Variants in CUL5 observed in about 807,000 individuals in gnomAD.
The protein encoded by CUL5 is cullin 5, also known as cullin-5.
In CUL5, 26 loss-of-function variants were observed where a neutral mutation model predicts 108.8. The ratio of observed to expected loss-of-function variants is 0.24; its 90% CI spans 0.18 to 0.33. CUL5 has a LOEUF of 0.33. CUL5 is among the 10% of genes least tolerant of loss of function. The pLI is 1.00. For synonymous variants in CUL5, 334 were observed against 298.0 expected (o/e 1.12, Z -1.25); for missense variants, 524 against 909.2 (o/e 0.58, Z 5.45).
At chr11:108,063,736 C>A (rs1250392345) in intron 7 of CUL5, among the ~76,000 whole-genome samples, 1 of 151,940 alleles carries the variant, frequency 6.6e-6, no homozygotes, top group East Asian at 1.9e-4. Flanking sequence ...CATTTCCATT[C>A]TTTTTGGTAT....
intron 2 of CUL5, among the ~76,000 whole-genome samples, chr11:108,042,836 C>T (rs922984505): frequency 6.6e-6 from 1 of 152,044 alleles, no homozygotes; most frequent in African/African-American, 2.4e-5. Context: ...AGTCTTCGCT[C>T]ACTGCAACCT....
chr11:108,031,356 CT>C (rs375060802), intron 1 of CUL5, among the ~76,000 whole-genome samples: 70 of 71,120 alleles, frequency 9.8e-4, no homozygotes, highest in African/African-American at 2.9e-3. Flanking sequence ...CAGAACGAGA[CT>C]CTGTCTCAAA....
At chr11:108,069,762 T>C (rs536895137) in intron 7 of CUL5, among the ~76,000 whole-genome samples, 3 of 152,370 alleles carry the variant, frequency 2.0e-5, no homozygotes, top group East Asian at 1.9e-4. Context: ...TTCACACTTC[T>C]AGAATTTTAT....
chr11:108,009,238 G>A lies in CUL5; in HGVS notation c.-111G>A. 1 of 1,185,770 alleles carries A rather than the reference G, an allele frequency of 8.4e-7. No homozygotes were observed. The highest frequency in any genetic ancestry group is 1.2e-6 in the Non-Finnish European group (1 of 811,826). 73.5% of individuals were successfully genotyped at this position (1,185,770 alleles called of 1,614,324 possible). A position where few individuals can be genotyped will look rare whatever the true frequency, so the allele number is the denominator to read the frequency against. On this transcript the variant is annotated 5_prime_UTR_variant, in exon 1 of 19. The change creates a new upstream start codon in the 5' untranslated region. Coordinates refer to ENST00000393094, the MANE Select transcript of CUL5 (RefSeq NM_003478.6). Reference sequence around the variant, plus strand: ...CTGCTCCAGCGCCCACCACACCCTGGTGCGGGCCGACGGGCCCTGGGCCCT... The same window carrying A: ...CTGCTCCAGCGCCCACCACACCCTGATGCGGGCCGACGGGCCCTGGGCCCT...
chr11:108,029,519 G>C (rs905451273), intron 1 of CUL5, among the ~76,000 whole-genome samples: 11 of 152,148 alleles, frequency 7.2e-5, no homozygotes, highest in African/African-American at 2.7e-4. Flanking sequence ...ATAAATCAAG[G>C]TTCATAGTCT....
At chr11:108,083,979 T>A (rs1330154977) in intron 11 of CUL5, among the ~76,000 whole-genome samples, 2 of 152,128 alleles carry the variant, frequency 1.3e-5, no homozygotes, top group Non-Finnish European at 2.9e-5. Flanking sequence ...ATTATGAGAT[T>A]TTTTGGCGAT....
intron 11 of CUL5, among the ~76,000 whole-genome samples, chr11:108,080,352 G>T (rs1325526762): frequency 6.6e-6 from 1 of 152,084 alleles, no homozygotes; most frequent in African/African-American, 2.4e-5. Context: ...GCCTCCCAAA[G>T]TGTTGAGCTT....
chr11:108,039,488 C>CT (rs1353213967), intron 2 of CUL5, among the ~76,000 whole-genome samples: 1 of 152,214 alleles, frequency 6.6e-6, no homozygotes. Flanking sequence ...TGCTCTAGAT[C>CT]CATTTACAAT....
intron 11 of CUL5, among the ~76,000 whole-genome samples, chr11:108,079,565 C>T (rs1383569106): frequency 6.6e-6 from 1 of 152,210 alleles, no homozygotes; most frequent in Non-Finnish European, 1.5e-5. Context: ...CTAAACACTT[C>T]AGCATACAGT....
chr11:108,071,167 TTGA>T (rs746230751), intron 8 of CUL5, among the ~76,000 whole-genome samples: 1 of 152,250 alleles, frequency 6.6e-6, no homozygotes, highest in Non-Finnish European at 1.5e-5. Context: ...TTTTTACCTT[TTGA>T]TGATATGGCT....
rs918157731 is a variant in CUL5 at position 108,049,543 on chromosome 11, A to G, written c.235-347A>G. Among the ~76,000 whole-genome samples the G allele has an allele frequency of 7.3e-5, 11 of 151,668 alleles. No individual in the cohort carries two copies. In the South Asian group the frequency reaches 1.3e-3, roughly 17 times the overall value. ...TTATTTGTGGAGATGAGGTCTTGCTATGTTGCCCAGGTTGGTCTCAAATTC... is the reference window on the plus strand; with the variant it reads ...TTATTTGTGGAGATGAGGTCTTGCTGTGTTGCCCAGGTTGGTCTCAAATTC... On this transcript the variant is annotated intron_variant, in intron 3 of 18. Coordinates refer to ENST00000393094, the MANE Select transcript of CUL5 (RefSeq NM_003478.6).
intron 1 of CUL5, among the ~76,000 whole-genome samples, chr11:108,025,595 C>T (rs1862433422): frequency 6.6e-6 from 1 of 152,152 alleles, no homozygotes; most frequent in African/African-American, 2.4e-5. Flanking sequence ...AGGGTGTTTC[C>T]ACTCTGGCTG....
At chr11:108,026,655 G>T (rs957446927) in intron 1 of CUL5, among the ~76,000 whole-genome samples, 2 of 151,992 alleles carry the variant, frequency 1.3e-5, no homozygotes, top group Non-Finnish European at 2.9e-5. Context: ...TCATATCCTG[G>T]AATGTTCCTG....
At chr11:108,057,220 G>A (rs1419859521) in intron 7 of CUL5, among the ~76,000 whole-genome samples, 2 of 152,016 alleles carry the variant, frequency 1.3e-5, no homozygotes, top group African/African-American at 2.4e-5. Flanking sequence ...TTGAGATCAC[G>A]TCTCACTATG....
chr11:108,060,704 G>T (rs549080373), intron 7 of CUL5, among the ~76,000 whole-genome samples: 8 of 152,144 alleles, frequency 5.3e-5, no homozygotes, highest in African/African-American at 1.9e-4. Context: ...GGGCATGGTG[G>T]TGCGTGCCTG....
Position 108,104,582 on chromosome 11 carries a change from C to G in CUL5, c.*198C>G, listed in dbSNP as rs1356721908. 2.5e-6 allele frequency: 1 copy of G among 405,644 alleles called. No homozygotes were observed. Among genetic ancestry groups the G allele is most frequent in the Non-Finnish European group, 4.3e-6 (1 of 230,334 alleles). 25.1% of individuals were successfully genotyped at this position (405,644 alleles called of 1,614,324 possible). A position where few individuals can be genotyped will look rare whatever the true frequency, so the allele number is the denominator to read the frequency against. ...TGGCATTCCCTTCATGTTGCACACT[C>G]TTTGACAGCATGCTGTTTTGTGGAG... On this transcript the variant is annotated 3_prime_UTR_variant, in exon 19 of 19. Transcript: ENST00000393094.
intron 13 of CUL5, among the ~76,000 whole-genome samples, chr11:108,091,073 A>G (rs912812391): frequency 2.0e-5 from 3 of 150,730 alleles, no homozygotes; most frequent in African/African-American, 7.3e-5. Context: ...TTTTTTGGAG[A>G]TGTAGTCTTG....
chr11:108,031,774 G>A (rs567061458), intron 1 of CUL5, among the ~76,000 whole-genome samples: 5 of 152,256 alleles, frequency 3.3e-5, no homozygotes, highest in African/African-American at 1.2e-4. Context: ...CACCCCCAAT[G>A]CCCATCAATG....
chr11:108,034,692 CT>C (rs1862685672), intron 2 of CUL5, among the ~76,000 whole-genome samples: 1 of 152,136 alleles, frequency 6.6e-6, no homozygotes, highest in Non-Finnish European at 1.5e-5. Flanking sequence ...CATTAATGTC[CT>C]CCTCCTCCGC....
Sources: gnomAD v4.1 joint callset for allele counts (sites outside exome capture counted in the v4.1 genomes callset) on GRCh38, gnomAD v4.1.1 for gene constraint, MANE v1.5 for transcripts, NCBI Gene and HGNC (gene_info 2026-07-23, HGNC 2026-07-21) for gene names.